Variants in WDPCP observed in about 807,000 individuals in gnomAD.
WDPCP encodes WD repeat containing planar cell polarity effector, also known as WD repeat-containing and planar cell polarity effector protein fritz homolog.
A neutral mutation model predicts 93.1 loss-of-function variants in WDPCP; 71 were observed. The ratio of observed to expected loss-of-function variants is 0.76; its 90% CI spans 0.63 to 0.93. The LOEUF is 0.93. WDPCP is among the 40% of genes least tolerant of loss of function. WDPCP has a pLI of 0.00. For missense variants in WDPCP, 844 were observed against 887.4 expected (o/e 0.95, Z 0.62); for synonymous variants, 315 against 315.0 (o/e 1.00, Z 0.00).
intron 3 of WDPCP, among the ~76,000 whole-genome samples, chr2:63,621,366 T>G (rs1709735568): frequency 6.6e-6 from 1 of 151,804 alleles, no homozygotes; most frequent in Non-Finnish European, 1.5e-5. Flanking sequence ...GCACAAGAAC[T>G]TCGTGAAGCA....
At chr2:63,514,183 T>G (rs1021282733) in intron 1 of WDPCP, among the ~76,000 whole-genome samples, 2 of 152,160 alleles carry the variant, frequency 1.3e-5, no homozygotes. Context: ...CTGGGAAAGA[T>G]GAATGCTGTT....
intron 2 of WDPCP, among the ~76,000 whole-genome samples, chr2:63,710,345 T>C (rs1272053431): frequency 6.6e-6 from 1 of 152,248 alleles, no homozygotes; most frequent in Non-Finnish European, 1.5e-5. Context: ...GTTCTCTCCA[T>C]ACGCTTTGTG....
intron 2 of WDPCP, among the ~76,000 whole-genome samples, chr2:63,692,335 T>G (rs1668901666): frequency 2.0e-5 from 3 of 152,164 alleles, no homozygotes; most frequent in Admixed American, 1.3e-4. Context: ...GAAACTGGAA[T>G]GGTAAAAATG....
intron 14 of WDPCP, among the ~76,000 whole-genome samples, chr2:63,194,347 G>T (rs1675264078): frequency 6.6e-6 from 1 of 152,118 alleles, no homozygotes; most frequent in Admixed American, 6.5e-5. Context: ...CCAAAAGGGT[G>T]ATAACAGGCA....
intron 14 of WDPCP, among the ~76,000 whole-genome samples, chr2:63,215,009 G>A (rs951223790): frequency 2.6e-5 from 4 of 152,112 alleles, no homozygotes; most frequent in East Asian, 1.9e-4. Flanking sequence ...CCATGCTCAC[G>A]GATAGGAAGA....
chr2:63,205,541 C>T (rs1327881359), intron 14 of WDPCP, among the ~76,000 whole-genome samples: 4 of 152,090 alleles, frequency 2.6e-5, no homozygotes, highest in African/African-American at 7.2e-5. Flanking sequence ...AGATCTTTCA[C>T]TTCTTTGGTT....
chr2:63,190,925 C>A (rs867132495), intron 14 of WDPCP, among the ~76,000 whole-genome samples: 1 of 152,116 alleles, frequency 6.6e-6, no homozygotes, highest in Non-Finnish European at 1.5e-5. Flanking sequence ...TCTGAAAGAT[C>A]CTGAATTGGG....
chr2:63,575,428 G>GTGTATGCACTGTATATAC lies in WDPCP; in HGVS notation c.75+12768_75+12769insGTATATACAGTGCATACA, dbSNP rs1707922740. Among the ~76,000 whole-genome samples, 33 of 30,074 alleles carry GTGTATGCACTGTATATAC rather than the reference G, an allele frequency of 1.1e-3. 1 individual carries two copies. Among genetic ancestry groups the GTGTATGCACTGTATATAC allele is most frequent in the Non-Finnish European group, 1.6e-3 (23 of 14,786 alleles). The allele number at this position is 30,074 out of a possible 152,430, so 19.7% of individuals were successfully genotyped here. A position where few individuals can be genotyped will look rare whatever the true frequency, so the allele number is the denominator to read the frequency against. ...ATATACAGTATATACACTGTATACAGTGTATATACAGTGTATACACTGTAT... is the reference window on the plus strand; with the variant it reads ...ATATACAGTATATACACTGTATACAGTGTATGCACTGTATATACTGTATATACAGTGTATACACTGTAT... On this transcript the variant is annotated intron_variant, in intron 1 of 17. Coordinates refer to ENST00000272321, the MANE Select transcript of WDPCP (RefSeq NM_015910.7).
intron 2 of WDPCP, among the ~76,000 whole-genome samples, chr2:63,694,179 G>C (rs573911970): frequency 6.6e-6 from 1 of 152,152 alleles, no homozygotes; most frequent in Non-Finnish European, 1.5e-5. Flanking sequence ...TTGTGTCTAA[G>C]ATAATAAAGG....
intron 1 of WDPCP, among the ~76,000 whole-genome samples, chr2:63,529,153 T>C (rs1473384112): frequency 1.3e-5 from 2 of 152,206 alleles, no homozygotes; most frequent in Non-Finnish European, 2.9e-5. Context: ...AATCGTGCCA[T>C]CTGCAAACAG....
At position 63,563,502 on chromosome 2, in the gene WDPCP, G is replaced by A. The variant is rs1376466325; in HGVS notation, c.75+24695C>T. Among the ~76,000 whole-genome samples, 4 of 149,308 alleles carry A rather than the reference G, an allele frequency of 2.7e-5. No individual in the cohort carries two copies. In the East Asian group the frequency reaches 8.0e-4, roughly 30 times the overall value. ...TCATATATATGAAATGTGTAGATGG[G>A]GCAAATCCATAGAGACACTGAGTAG... On this transcript the variant is annotated intron_variant, in intron 1 of 17. Transcript: ENST00000272321.
At chr2:63,150,587 A>G (rs1476978532) in intron 17 of WDPCP, among the ~76,000 whole-genome samples, 1 of 152,194 alleles carries the variant, frequency 6.6e-6, no homozygotes, top group Non-Finnish European at 1.5e-5. Context: ...ACTAATCTCT[A>G]TGTCTCAGTA....
At chr2:63,473,720 T>C (rs1011968036) in intron 6 of WDPCP, among the ~76,000 whole-genome samples, 6 of 152,160 alleles carry the variant, frequency 3.9e-5, no homozygotes, top group Non-Finnish European at 5.9e-5. Flanking sequence ...ATCTTTTTTT[T>C]CCCATTGCTT....
intron 12 of WDPCP, among the ~76,000 whole-genome samples, chr2:63,370,557 A>T (rs1001667145): frequency 6.6e-6 from 1 of 152,184 alleles, no homozygotes; most frequent in Non-Finnish European, 1.5e-5. Flanking sequence ...TGCATTTGAT[A>T]AAAAGGACTA....
chr2:63,617,536 T>C (rs1186465159), intron 3 of WDPCP, among the ~76,000 whole-genome samples: 1 of 151,980 alleles, frequency 6.6e-6, no homozygotes, highest in Non-Finnish European at 1.5e-5. Flanking sequence ...TTGTCTGCGG[T>C]TACAGAAAGG....
At chr2:63,167,711 T>C (rs1374319535) in intron 15 of WDPCP, among the ~76,000 whole-genome samples, 1 of 152,222 alleles carries the variant, frequency 6.6e-6, no homozygotes, top group African/African-American at 2.4e-5. Context: ...AGAAAACTTA[T>C]TTTCTTTTAT....
chr2:63,162,006 G>C (rs1240316971), intron 15 of WDPCP, among the ~76,000 whole-genome samples: 1 of 152,100 alleles, frequency 6.6e-6, no homozygotes, highest in Non-Finnish European at 1.5e-5. Context: ...CTGACCTCAA[G>C]TGATCTGTGT....
chr2:63,633,419 A>G (rs548964257), intron 3 of WDPCP, among the ~76,000 whole-genome samples: 44 of 152,344 alleles, frequency 2.9e-4, no homozygotes, highest in African/African-American at 1.0e-3. Context: ...ACATAATATA[A>G]AAACAAAAAA....
At chr2:63,183,787 G>A (rs1276188066) in intron 14 of WDPCP, among the ~76,000 whole-genome samples, 1 of 151,922 alleles carries the variant, frequency 6.6e-6, no homozygotes, top group East Asian at 1.9e-4. Flanking sequence ...TATTTGTTTT[G>A]TGACTCTGAC....
Sources: gnomAD v4.1 joint callset for allele counts (sites outside exome capture counted in the v4.1 genomes callset) on GRCh38, gnomAD v4.1.1 for gene constraint, MANE v1.5 for transcripts, NCBI Gene and HGNC (gene_info 2026-07-23, HGNC 2026-07-21) for gene names.